Variants in RASA2 observed in about 807,000 individuals in gnomAD.
RASA2 encodes the protein RAS p21 protein activator 2.
In RASA2, 155 loss-of-function variants were observed where a neutral mutation model predicts 118.2. The ratio of observed to expected loss-of-function variants is 1.31; its 90% CI spans 1.15 to 1.50. RASA2 has a LOEUF of 1.50. Ranked by LOEUF, RASA2 falls within the 40% of genes most tolerant of loss-of-function variation. The pLI, the probability that RASA2 is intolerant of heterozygous loss-of-function variation, is 0.00. For synonymous variants in RASA2, 353 were observed against 349.1 expected (o/e 1.01, Z -0.12); for missense variants, 1,016 against 1,009.6 (o/e 1.01, Z -0.09).
At chr3:141,553,735 C>T in intron 5 of RASA2, 122 bp from the exon 6 acceptor site, 3 of 1,460,464 alleles carry the variant, frequency 2.1e-6, no homozygotes, top group Non-Finnish European at 1.8e-6. Flanking sequence ...TATAGCCATA[C>T]AACTGCAGAC....
chr3:141,547,799 A>G (rs1314276068), intron 5 of RASA2, among the ~76,000 whole-genome samples: 1 of 152,200 alleles, frequency 6.6e-6, no homozygotes, highest in Non-Finnish European at 1.5e-5. Flanking sequence ...TTCCCCATTC[A>G]GTATGATACT....
intron 19 of RASA2, among the ~76,000 whole-genome samples, chr3:141,601,570 A>C (rs959831486): frequency 9.9e-5 from 15 of 152,248 alleles, no homozygotes; most frequent in Non-Finnish European, 1.6e-4. Flanking sequence ...ATTTTTCTTA[A>C]ATGAATTGGA....
intron 1 of RASA2, among the ~76,000 whole-genome samples, chr3:141,509,329 T>A (rs761332987): frequency 6.6e-6 from 1 of 152,248 alleles, no homozygotes; most frequent in African/African-American, 2.4e-5. Context: ...GTCAGGTTCA[T>A]TGGATTCTTC....
In RASA2 at chr3:141,577,078, A is replaced by G. The variant is rs1337379880; in HGVS notation, c.1562A>G (p.His521Arg). ...TTTGCTGTAGCCGTAGTATCACCTC[A>G]TACTTTTCATTTGCGACCTCATCAT... The part of the protein sequence containing the change: ...RFFAVAVVSP[H>R]TFHLRPHHPD... The change falls in exon 15 of 24, where the codon CAT (histidine) becomes CGT (arginine). Residue 521 changes from histidine (H) to arginine (R), a missense_variant. This residue lies in a region of RASA2 where 896 missense variants were observed against 836.4 expected (regional missense o/e 1.07). Coordinates refer to ENST00000286364, the MANE Select transcript of RASA2 (RefSeq NM_006506.5). 3.1e-6 allele frequency: 5 copies of G among 1,607,896 alleles called. No individual in the cohort carries two copies. The highest frequency in any genetic ancestry group is 4.3e-6 in the Non-Finnish European group (5 of 1,175,666).
intron 9 of RASA2, among the ~76,000 whole-genome samples, chr3:141,562,608 C>T (rs1427629884): frequency 7.3e-5 from 11 of 149,902 alleles, no homozygotes; most frequent in Admixed American, 6.0e-4. Context: ...GGAGACAGAG[C>T]GAGACTCCGT....
intron 3 of RASA2, among the ~76,000 whole-genome samples, chr3:141,522,350 A>G (rs1475141672): frequency 6.6e-6 from 1 of 152,126 alleles, no homozygotes; most frequent in Non-Finnish European, 1.5e-5. Flanking sequence ...TGTAGAACTG[A>G]CCATGGCAGG....
intron 7 of RASA2, among the ~76,000 whole-genome samples, chr3:141,556,792 G>A (rs894724027): frequency 4.6e-5 from 7 of 151,856 alleles, no homozygotes; most frequent in South Asian, 2.1e-4. Context: ...AGAGAATAAC[G>A]GTACCTCTAG....
chr3:141,573,002 GTA>G, intron 12 of RASA2, 143 bp from the exon 13 acceptor site: 12 of 703,774 alleles, frequency 1.7e-5, no homozygotes, highest in South Asian at 1.6e-4. Context: ...TAAGAAAATT[GTA>G]TATGTTATCC....
At chr3:141,610,500 G>C (rs1421216745) in intron 23 of RASA2, among the ~76,000 whole-genome samples, 1 of 117,472 alleles carries the variant, frequency 8.5e-6, no homozygotes, top group Non-Finnish European at 1.7e-5. Context: ...TATATATTTA[G>C]TTTTTGTAGA....
intron 19 of RASA2, chr3:141,600,223 A>G: frequency 2.1e-6 from 1 of 478,754 alleles, no homozygotes. Flanking sequence ...GGAGATGTGT[A>G]AAAAGGTTTC....
rs952550014 is a variant in RASA2, at chr3:141,602,166, C to T, written c.1934-5512C>T. Among the ~76,000 whole-genome samples the T allele has an allele frequency of 2.0e-5, 3 of 152,236 alleles. No individual in the cohort carries two copies. The South Asian group carries it at 6.2e-4, about 31-fold the overall frequency. ...TTCCCAAGTTATGTGTCACACTTTC[C>T]TGTTTTTTTATATGTCTTACTTTCT... On this transcript the variant is annotated intron_variant, in intron 19 of 23. Transcript: ENST00000286364.
At chr3:141,488,543 A>G (rs1280755246) in intron 1 of RASA2, among the ~76,000 whole-genome samples, 1 of 152,058 alleles carries the variant, frequency 6.6e-6, no homozygotes, top group Non-Finnish European at 1.5e-5. Flanking sequence ...TTATCTTTTT[A>G]TTCCCTGAGG....
At position 141,608,543 on chromosome 3, in the gene RASA2, G is replaced by C; in HGVS notation, c.2071G>C (p.Val691Leu). 1 of 1,613,996 alleles carries C rather than the reference G, an allele frequency of 6.2e-7. No homozygotes were observed. The highest frequency in any genetic ancestry group is 8.5e-7 in the Non-Finnish European group (1 of 1,179,914). The change falls in exon 21 of 24, where the codon GTA becomes CTA. Residue 691 changes from valine to leucine, a missense_variant. Transcript: ENST00000286364. ...ACTCTATGTCCAGGCAAATAACTGT[G>C]TAGAAGCTAATGAATGGATAGACGT... ...KPLYVQANNCVEANEWIDVLC... is the reference protein window; with the variant it reads ...KPLYVQANNCLEANEWIDVLC...
intron 7 of RASA2, among the ~76,000 whole-genome samples, chr3:141,558,355 G>A (rs939360731): frequency 6.6e-6 from 1 of 152,154 alleles, no homozygotes; most frequent in Non-Finnish European, 1.5e-5. Context: ...GCAGCATAAG[G>A]TTGCCAAGGT....
intron 3 of RASA2, 84 bp downstream of exon 3, chr3:141,516,515 GA>G: frequency 9.7e-7 from 1 of 1,032,624 alleles, no homozygotes; most frequent in Non-Finnish European, 1.3e-6. Flanking sequence ...GAAAATTGCA[GA>G]ATAATATATG....
chr3:141,562,822 G>A (rs554398614), intron 9 of RASA2, among the ~76,000 whole-genome samples: 6 of 151,790 alleles, frequency 4.0e-5, no homozygotes, highest in African/African-American at 9.6e-5. Context: ...ACAGGCATCC[G>A]CCACCACACC....
intron 6 of RASA2, 56 bp from the exon 7 acceptor site, chr3:141,555,784 T>A (rs1577728708): frequency 6.9e-7 from 1 of 1,451,384 alleles, no homozygotes; most frequent in East Asian, 2.3e-5. Context: ...AATAGCATGT[T>A]TTATAATTGT....
At chr3:141,532,244 G>A (rs1259800705) in intron 4 of RASA2, among the ~76,000 whole-genome samples, 1 of 152,058 alleles carries the variant, frequency 6.6e-6, no homozygotes, top group Admixed American at 6.6e-5. Context: ...TTCCAAAAGA[G>A]ATCTGTCTGA....
intron 1 of RASA2, among the ~76,000 whole-genome samples, chr3:141,499,723 C>T (rs939274613): frequency 6.6e-6 from 1 of 152,112 alleles, no homozygotes; most frequent in Non-Finnish European, 1.5e-5. Context: ...CTCAGCCTCC[C>T]GATTAGCTGG....
Sources: allele counts gnomAD v4.1 joint callset (sites outside exome capture counted in the v4.1 genomes callset), GRCh38; gene constraint gnomAD v4.1.1; regional missense constraint gnomAD v4.1.1; transcripts MANE v1.5; gene names NCBI Gene and HGNC (gene_info 2026-07-23, HGNC 2026-07-21).